EDNRB: variants seen among roughly 807,000 people sequenced by gnomAD.
EDNRB encodes the protein Hirschsprung disease 2.
Under a neutral mutation model 46.4 loss-of-function variants are expected in EDNRB, and 18 were observed. The observed-to-expected ratio is 0.39, with a 90% CI of 0.27 to 0.57. The LOEUF is 0.57. EDNRB is among the 20% of genes least tolerant of loss of function. The probability of loss-of-function intolerance (pLI) is 0.61; values close to 1 mark genes in which losing one functional copy is unlikely to be tolerated. For synonymous variants in EDNRB, 213 were observed against 204.9 expected (o/e 1.04, Z -0.34); for missense variants, 434 against 537.5 (o/e 0.81, Z 1.90).
intron 1 of EDNRB, among the ~76,000 whole-genome samples, chr13:77,940,527 A>G (rs1594387160): frequency 6.8e-6 from 1 of 147,910 alleles, no homozygotes. Flanking sequence ...ATGGAGTTTT[A>G]GTGCAATAAG....
intron 1 of EDNRB, among the ~76,000 whole-genome samples, chr13:77,928,921 T>A (rs367784195): frequency 1.3e-5 from 2 of 152,234 alleles, no homozygotes; most frequent in Admixed American, 6.5e-5. Flanking sequence ...AAATCATTTT[T>A]TATAGTGATT....
At chr13:77,971,507 T>C (rs948628056) in intron 1 of EDNRB, among the ~76,000 whole-genome samples, 1 of 148,026 alleles carries the variant, frequency 6.8e-6, no homozygotes, top group Non-Finnish European at 1.5e-5. Context: ...CAACTGCCAT[T>C]TTTTTTTTCT....
intron 1 of EDNRB, among the ~76,000 whole-genome samples, chr13:77,933,076 A>T (rs1880448667): frequency 6.6e-6 from 1 of 152,240 alleles, no homozygotes; most frequent in South Asian, 2.1e-4. Context: ...AAATCTCTGC[A>T]AATATCCTTT....
intron 1 of EDNRB, among the ~76,000 whole-genome samples, chr13:77,972,306 C>T (rs991888834): frequency 7.2e-5 from 11 of 152,192 alleles, no homozygotes; most frequent in East Asian, 1.9e-4. Flanking sequence ...TTTTGTTTAA[C>T]GTGCAGGCGG....
upstream of EDNRB, chr13:77,919,457 G>A (rs1879997788): frequency 1.2e-6 from 2 of 1,612,692 alleles, no homozygotes; most frequent in Middle Eastern, 1.6e-4. Context: ...CCGGGAGGCG[G>A]AACCCAGCTG....
chr13:77,943,104 C>A (rs12720151), intron 1 of EDNRB, among the ~76,000 whole-genome samples: 688 of 152,214 alleles, frequency 4.5e-3, no homozygotes, highest in African/African-American at 0.014. Flanking sequence ...CAGTCAGAGT[C>A]TATTGTCTCC....
intron 1 of EDNRB, among the ~76,000 whole-genome samples, chr13:77,932,502 T>C (rs1880435095): frequency 6.6e-6 from 1 of 152,218 alleles, no homozygotes; most frequent in African/African-American, 2.4e-5. Context: ...AAATAGGTAT[T>C]ATTTCTACAG....
chr13:77,919,354 TTCAA>T, upstream of EDNRB: 14 of 1,582,492 alleles, frequency 8.8e-6, no homozygotes, highest in Non-Finnish European at 1.2e-5. Context: ...CAGAATAAGG[TTCAA>T]TCAATGATTT....
intron 1 of EDNRB, among the ~76,000 whole-genome samples, chr13:77,906,963 C>T (rs1185702757): frequency 6.6e-6 from 1 of 151,972 alleles, no homozygotes; most frequent in African/African-American, 2.4e-5. Context: ...ACTATAATAC[C>T]TGCCCGACAG....
intron 1 of EDNRB, among the ~76,000 whole-genome samples, chr13:77,961,539 A>T (rs555208619): frequency 7.1e-4 from 108 of 152,340 alleles, no homozygotes; most frequent in African/African-American, 2.5e-3. Flanking sequence ...TACTGGGTAC[A>T]TAACGAAATG....
chr13:77,937,798 T>C (rs775982116), intron 1 of EDNRB, among the ~76,000 whole-genome samples: 16 of 151,676 alleles, frequency 1.1e-4, no homozygotes, highest in Non-Finnish European at 2.1e-4. Flanking sequence ...AAAGGAAGAT[T>C]AGAAAGACTC....
Position 77,897,072 on chromosome 13 carries a change from C to G in EDNRB, c.*1128G>C. The G allele has an allele frequency of 1.0e-6, 1 of 986,002 alleles. No homozygotes were observed. The highest frequency in any genetic ancestry group is 1.2e-6 in the Non-Finnish European group (1 of 830,440). 61.1% of individuals were successfully genotyped at this position (986,002 alleles called of 1,614,324 possible). On this transcript the variant is annotated 3_prime_UTR_variant, in exon 7 of 7. Transcript: ENST00000646607. ...ATAGTATTTTAACTATAGCATTATA[C>G]ATATGCTAGAAACCATTTTAACCAC...
intron 1 of EDNRB, among the ~76,000 whole-genome samples, chr13:77,937,770 G>A (rs1181687355): frequency 6.6e-6 from 1 of 152,100 alleles, no homozygotes; most frequent in Non-Finnish European, 1.5e-5. Context: ...GAGGGGAGAG[G>A]TCAGATGGGT....
At position 77,896,300 on chromosome 13, in the gene EDNRB, A is replaced by C; in HGVS notation, c.*1900T>G. ...AATTAAATATATTAATAAACTGTGA[A>C]AATATTAGTGATTCAAAATTAATTT... On this transcript the variant is annotated 3_prime_UTR_variant, in exon 7 of 7. Transcript: ENST00000646607. 1.4e-6 allele frequency: 1 copy of C among 735,528 alleles called. No individual in the cohort carries two copies. The highest frequency in any genetic ancestry group is 3.5e-5 in the South Asian group (1 of 28,976). The allele number at this position is 735,528 out of a possible 1,614,324, so 45.6% of individuals were successfully genotyped here. A position where few individuals can be genotyped will look rare whatever the true frequency, so the allele number is the denominator to read the frequency against.
intron 1 of EDNRB, among the ~76,000 whole-genome samples, chr13:77,963,128 A>C (rs1168399146): frequency 6.6e-6 from 1 of 152,118 alleles, no homozygotes; most frequent in African/African-American, 2.4e-5. Flanking sequence ...AGAGGACACA[A>C]ACAAATGGAA....
chr13:77,949,326 G>C (rs866054394), intron 1 of EDNRB, among the ~76,000 whole-genome samples: 30 of 152,156 alleles, frequency 2.0e-4, no homozygotes, highest in African/African-American at 7.2e-4. Context: ...TAGCAGAATG[G>C]ATAGAGCTTG....
intron 1 of EDNRB, among the ~76,000 whole-genome samples, chr13:77,931,070 G>A (rs1880383011): frequency 6.6e-6 from 1 of 152,136 alleles, no homozygotes; most frequent in African/African-American, 2.4e-5. Flanking sequence ...CATCTAAATA[G>A]TTGCTGCCCA....
chr13:77,938,717 A>G (rs2137661983), intron 1 of EDNRB, among the ~76,000 whole-genome samples: 1 of 152,304 alleles, frequency 6.6e-6, no homozygotes, highest in Middle Eastern at 3.4e-3. Context: ...AGAAAATAAA[A>G]GGAATTGAAA....
chr13:77,942,978 G>C (rs1403974703), intron 1 of EDNRB, among the ~76,000 whole-genome samples: 1 of 151,956 alleles, frequency 6.6e-6, no homozygotes, highest in Non-Finnish European at 1.5e-5. Context: ...GTTTTTACTA[G>C]AATAAAATTT....
Sources: allele counts gnomAD v4.1 joint callset (sites outside exome capture counted in the v4.1 genomes callset), GRCh38; gene constraint gnomAD v4.1.1; transcripts MANE v1.5; gene names NCBI Gene and HGNC (gene_info 2026-07-23, HGNC 2026-07-21).